The following TMTC2 variants were observed in gnomAD, a reference collection of about 807,000 sequenced individuals.
TMTC2 encodes protein O-mannosyl-transferase TMTC2.
In TMTC2, 43 loss-of-function variants were observed where a neutral mutation model predicts 82.4. The ratio of observed to expected loss-of-function variants is 0.52; its 90% confidence interval spans 0.41 to 0.67. The LOEUF (loss-of-function observed/expected upper bound fraction) is 0.67, where lower values mean the gene tolerates loss of function less well. TMTC2 is among the 30% of genes least tolerant of loss of function. The probability of loss-of-function intolerance (pLI) is 0.00; values close to 1 mark genes in which losing one functional copy is unlikely to be tolerated. For synonymous variants in TMTC2, 408 were observed against 381.9 expected (o/e 1.07, Z -0.80); for missense variants, 919 against 1,012.4 (o/e 0.91, Z 1.25).
chr12:83,068,852 C>T (rs1883011010), intron 11 of TMTC2, among the ~76,000 whole-genome samples: 1 of 151,950 alleles, frequency 6.6e-6, no homozygotes, highest in Non-Finnish European at 1.5e-5. Flanking sequence ...TTTTATCCCT[C>T]GCCCCCCTCC....
intron 3 of TMTC2, among the ~76,000 whole-genome samples, chr12:82,906,759 T>C (rs1045674714): frequency 1.3e-5 from 2 of 152,158 alleles, no homozygotes; most frequent in Non-Finnish European, 2.9e-5. Flanking sequence ...AAAACCACTA[T>C]AGTATTTTGT....
At chr12:83,032,379 GC>G in intron 9 of TMTC2, among the ~76,000 whole-genome samples, 1 of 148,056 alleles carries the variant, frequency 6.8e-6, no homozygotes, top group Non-Finnish European at 1.5e-5. Context: ...TTAAAAGTTG[GC>G]CCCCTTATTA....
chr12:82,707,090 T>C (rs140873230), intron 1 of TMTC2, among the ~76,000 whole-genome samples: 267 of 152,362 alleles, frequency 1.8e-3, no homozygotes, highest in African/African-American at 5.6e-3. Context: ...AACAAAATAC[T>C]ATAAACTAGG....
intron 11 of TMTC2, among the ~76,000 whole-genome samples, chr12:83,122,549 T>C (rs1280797045): frequency 6.6e-6 from 1 of 152,136 alleles, no homozygotes; most frequent in Non-Finnish European, 1.5e-5. Flanking sequence ...TTGACTCAGC[T>C]CCAGGCAAAG....
intron 1 of TMTC2, among the ~76,000 whole-genome samples, chr12:82,763,171 A>G (rs1876743223): frequency 7.0e-6 from 1 of 141,908 alleles, no homozygotes; most frequent in Non-Finnish European, 1.5e-5. Flanking sequence ...AGTTAAACAG[A>G]TATTCAAGCA....
At chr12:82,971,886 C>G (rs1878463882) in intron 7 of TMTC2, among the ~76,000 whole-genome samples, 1 of 151,894 alleles carries the variant, frequency 6.6e-6, no homozygotes, top group Non-Finnish European at 1.5e-5. Flanking sequence ...AATAGTTAAT[C>G]TAGTTCCTTC....
intron 3 of TMTC2, among the ~76,000 whole-genome samples, chr12:82,908,358 T>C (rs571983854): frequency 6.8e-6 from 1 of 146,968 alleles, no homozygotes; most frequent in Non-Finnish European, 1.5e-5. Flanking sequence ...TTTTATGTAC[T>C]TACAGTTTTT....
chr12:83,032,154 G>GT (rs1006281341), intron 9 of TMTC2, among the ~76,000 whole-genome samples: 14 of 148,610 alleles, frequency 9.4e-5, no homozygotes, highest in Non-Finnish European at 1.8e-4. Flanking sequence ...AAAATAGGAG[G>GT]TTTTTTTTTC....
intron 4 of TMTC2, among the ~76,000 whole-genome samples, chr12:82,963,779 T>C (rs1878046000): frequency 9.6e-6 from 1 of 104,472 alleles, no homozygotes; most frequent in African/African-American, 4.2e-5. Context: ...AGATTAACTG[T>C]TGTCCAGATT....
At chr12:83,038,238 GTAAC>G (rs1881747611) in intron 9 of TMTC2, among the ~76,000 whole-genome samples, 1 of 151,830 alleles carries the variant, frequency 6.6e-6, no homozygotes, top group Non-Finnish European at 1.5e-5. Context: ...GTATACGTAT[GTAAC>G]TAACCTGCAC....
chr12:82,692,503 C>T (rs1240100289), intron 1 of TMTC2, among the ~76,000 whole-genome samples: 1 of 152,166 alleles, frequency 6.6e-6, no homozygotes, highest in Non-Finnish European at 1.5e-5. Context: ...TGCGTTGTCT[C>T]TAAAGCAGGA....
intron 4 of TMTC2, among the ~76,000 whole-genome samples, chr12:82,933,777 G>A (rs1479858050): frequency 6.6e-6 from 1 of 152,118 alleles, no homozygotes; most frequent in Non-Finnish European, 1.5e-5. Context: ...TAGCACATAG[G>A]AATATTGTTA....
intron 3 of TMTC2, among the ~76,000 whole-genome samples, chr12:82,901,769 A>T (rs1476537313): frequency 1.3e-5 from 2 of 152,106 alleles, no homozygotes; most frequent in African/African-American, 4.8e-5. Context: ...ATTTTGCTAT[A>T]GCCGTGGGTG....
chr12:83,051,999 A>G (rs1163383056), intron 10 of TMTC2, among the ~76,000 whole-genome samples: 1 of 152,052 alleles, frequency 6.6e-6, no homozygotes, highest in Admixed American at 6.6e-5. Flanking sequence ...TTATATATAT[A>G]TGTACATGTA....
At chr12:82,981,227 T>C (rs1018006191) in intron 7 of TMTC2, among the ~76,000 whole-genome samples, 1 of 151,888 alleles carries the variant, frequency 6.6e-6, no homozygotes, top group Non-Finnish European at 1.5e-5. Flanking sequence ...AAATCTATAC[T>C]GTCTTAATAA....
chr12:82,857,677 C>A, intron 2 of TMTC2, 97 bp downstream of exon 2: 2 of 1,167,296 alleles, frequency 1.7e-6, no homozygotes, highest in Non-Finnish European at 2.4e-6. Flanking sequence ...CCTCTGCAAG[C>A]GGAATTTAAA....
At chr12:82,707,139 G>GA (rs1421899822) in intron 1 of TMTC2, among the ~76,000 whole-genome samples, 4 of 152,146 alleles carry the variant, frequency 2.6e-5, no homozygotes, top group Non-Finnish European at 5.9e-5. Context: ...TCACAGTTTT[G>GA]AAAGCTGGGA....
At chr12:82,936,367 A>G (rs1876319110) in intron 4 of TMTC2, among the ~76,000 whole-genome samples, 1 of 152,024 alleles carries the variant, frequency 6.6e-6, no homozygotes, top group African/African-American at 2.4e-5. Flanking sequence ...AATGTATCTG[A>G]CTAAATTTAA....
At chr12:83,052,515 A>T (rs1216105032) in intron 10 of TMTC2, among the ~76,000 whole-genome samples, 1 of 152,164 alleles carries the variant, frequency 6.6e-6, no homozygotes, top group Middle Eastern at 3.2e-3. Flanking sequence ...AGGTACTGTT[A>T]CAGAGATAAG....
Sources: allele counts gnomAD v4.1 joint callset (sites outside exome capture counted in the v4.1 genomes callset), GRCh38; gene constraint gnomAD v4.1.1; transcripts MANE v1.5; gene names NCBI Gene and HGNC (gene_info 2026-07-23, HGNC 2026-07-21).